STK32C: variants seen among roughly 807,000 people sequenced by gnomAD.
STK32C encodes the protein serine/threonine-protein kinase 32C.
In STK32C, 31 loss-of-function variants were observed where a neutral mutation model predicts 56.5. That is an observed-to-expected ratio of 0.55 (90% CI 0.41 to 0.74). STK32C has a LOEUF of 0.74. Among genes scored for constraint, STK32C ranks in the 30% least tolerant of loss-of-function variants. The probability of loss-of-function intolerance (pLI) is 0.00; values close to 1 mark genes in which losing one functional copy is unlikely to be tolerated. For missense variants in STK32C, 544 were observed against 676.9 expected (o/e 0.80, Z 2.18); for synonymous variants, 309 against 289.4 (o/e 1.07, Z -0.69).
chr10:132,249,134 CAGGGCGTGCAG>C (rs1590260154), intron 1 of STK32C: 1 of 427,022 alleles, frequency 2.3e-6, no homozygotes, highest in Non-Finnish European at 4.7e-6. Context: ...GCTGTGGCGT[CAGGGCGTGCAG>C]GGGGCGGGGC....
At chr10:132,272,452 T>C (rs1229698311) in intron 1 of STK32C, among the ~76,000 whole-genome samples, 4 of 152,178 alleles carry the variant, frequency 2.6e-5, no homozygotes, top group Admixed American at 2.0e-4. Context: ...TAACGTGCCC[T>C]CAACCCAGCT....
At chr10:132,247,242 T>C (rs953050594) in intron 1 of STK32C, among the ~76,000 whole-genome samples, 1 of 152,186 alleles carries the variant, frequency 6.6e-6, no homozygotes, top group African/African-American at 2.4e-5. Flanking sequence ...GCACTCAGTG[T>C]GTGGAGGAGG....
At chr10:132,316,590 G>C (rs980816107) in intron 1 of STK32C, among the ~76,000 whole-genome samples, 1 of 152,192 alleles carries the variant, frequency 6.6e-6, no homozygotes, top group African/African-American at 2.4e-5. Context: ...CTGCACTCCA[G>C]CTTGGGCAAC....
Position 132,307,286 on chromosome 10 carries a change from A to C in STK32C, c.262+286T>G. 3.7e-6 allele frequency: 1 copy of C among 268,938 alleles called. No individual in the cohort carries two copies. The highest frequency in any genetic ancestry group is 7.0e-6 in the Non-Finnish European group (1 of 143,630). 16.7% of individuals were successfully genotyped at this position (268,938 alleles called of 1,614,324 possible). On this transcript the variant is annotated intron_variant, in intron 1 of 11. Transcript: ENST00000298630. The surrounding 1 kb of genome is among the most constrained non-coding windows in gnomAD (Gnocchi z 4.4). ...CAGGGCTGCCACGGGCGGTGGGCGG[A>C]GGCGCGCGCAAGCCCGGAGACGCCA... is the stretch of plus-strand genomic sequence containing the variant.
At chr10:132,266,664 G>A (rs777477730) in intron 1 of STK32C, among the ~76,000 whole-genome samples, 7 of 152,008 alleles carry the variant, frequency 4.6e-5, no homozygotes, top group Non-Finnish European at 8.8e-5. Flanking sequence ...CCCTGGGGGA[G>A]GAACGAGCCA....
intron 1 of STK32C, among the ~76,000 whole-genome samples, chr10:132,300,339 G>C (rs1223294024): frequency 6.6e-6 from 1 of 152,162 alleles, no homozygotes; most frequent in East Asian, 1.9e-4. Flanking sequence ...GGATTGGCAG[G>C]GCCGGAGCCC....
At chr10:132,305,706 A>T (rs1048473197) in intron 1 of STK32C, among the ~76,000 whole-genome samples, 1 of 152,190 alleles carries the variant, frequency 6.6e-6, no homozygotes, top group African/African-American at 2.4e-5. Flanking sequence ...GGTGCAGAAC[A>T]TTCTTCTGCA....
rs150373133 is a variant in STK32C at position 132,328,086 on chromosome 10, G to T, written c.301+3350C>A. Among the ~76,000 whole-genome samples, 879 of 152,262 alleles carry T rather than the reference G, an allele frequency of 5.8e-3. 13 individuals carry two copies. The highest frequency in any genetic ancestry group is 0.02 in the African/African-American group (850 of 41,552). ...AGACAGAGCCCATTTACCAAGACAGGGGAATTGCAATGGAGAAAGAGTAAT... is the reference window on the plus strand; with the variant it reads ...AGACAGAGCCCATTTACCAAGACAGTGGAATTGCAATGGAGAAAGAGTAAT... On this transcript the variant is annotated intron_variant, in intron 1 of 1. Transcript: ENST00000368619.
chr10:132,266,786 A>T (rs1399230159), intron 1 of STK32C, among the ~76,000 whole-genome samples: 1 of 151,624 alleles, frequency 6.6e-6, no homozygotes, highest in East Asian at 2.0e-4. Context: ...GGAGGAGGGC[A>T]CTGGAGGGGG....
chr10:132,293,220 G>A (rs2138316484), intron 1 of STK32C, among the ~76,000 whole-genome samples: 1 of 152,272 alleles, frequency 6.6e-6, no homozygotes, highest in East Asian at 1.9e-4. Context: ...GGAGGATGGA[G>A]TGGCCATCGC....
intron 1 of STK32C, among the ~76,000 whole-genome samples, chr10:132,251,116 G>A (rs548884435): frequency 1.3e-5 from 2 of 152,292 alleles, no homozygotes; most frequent in African/African-American, 4.8e-5. Flanking sequence ...CCTCCTATCT[G>A]CCACAGGACC....
chr10:132,246,829 G>A (rs1464831663), intron 1 of STK32C, among the ~76,000 whole-genome samples: 1 of 152,134 alleles, frequency 6.6e-6, no homozygotes, highest in Admixed American at 6.5e-5. Context: ...ATGACTCCCA[G>A]GCCAGCAGCT....
chr10:132,254,849 A>AG (rs879634489), intron 1 of STK32C, among the ~76,000 whole-genome samples: 17 of 152,144 alleles, frequency 1.1e-4, no homozygotes, highest in Non-Finnish European at 2.1e-4. Flanking sequence ...CTGACACCCC[A>AG]GGTCCCCTCT....
At chr10:132,253,855 T>C (rs1442350961) in intron 1 of STK32C, among the ~76,000 whole-genome samples, 1 of 152,206 alleles carries the variant, frequency 6.6e-6, no homozygotes, top group African/African-American at 2.4e-5. Flanking sequence ...TGATCTGCCC[T>C]CCCGTGTGCC....
At chr10:132,221,786 A>G (rs2062671700) in intron 10 of STK32C, among the ~76,000 whole-genome samples, 1 of 127,828 alleles carries the variant, frequency 7.8e-6, no homozygotes, top group African/African-American at 3.2e-5. Context: ...GGCGAGTCTG[A>G]GGGCTTCATG....
chr10:132,330,517 AC>A, intron 1 of STK32C: 1 of 716,474 alleles, frequency 1.4e-6, no homozygotes, highest in Non-Finnish European at 2.6e-6. Flanking sequence ...ATGTACGAAA[AC>A]TTTTTTTTTG....
chr10:132,325,864 G>A (rs534006026), intron 1 of STK32C, among the ~76,000 whole-genome samples: 126 of 151,858 alleles, frequency 8.3e-4, no homozygotes, highest in Middle Eastern at 3.4e-3. Flanking sequence ...TGGGACTATC[G>A]GAGTCTGCAA....
At chr10:132,299,917 G>A (rs918358654) in intron 1 of STK32C, among the ~76,000 whole-genome samples, 4 of 152,378 alleles carry the variant, frequency 2.6e-5, no homozygotes, top group South Asian at 2.1e-4. Context: ...GACTGAGGAC[G>A]GGACCCAGGG....
rs374324694 is a variant in STK32C, at chr10:132,232,481, A to G, written c.319-4353T>C. On this transcript the variant is annotated intron_variant, in intron 2 of 11. Transcript: ENST00000298630. ...CTCAGCACCCGAGATCACGCAGAGC[A>G]GTGTTTACAAAAAAGACTGGAAACC... Among the ~76,000 whole-genome samples the G allele has an allele frequency of 5.6e-3, 847 of 152,126 alleles. 5 individuals are homozygous for G. The highest frequency in any genetic ancestry group is 8.3e-3 in the Non-Finnish European group (567 of 67,972).
Sources: gnomAD v4.1 joint callset for allele counts (sites outside exome capture counted in the v4.1 genomes callset) on GRCh38, gnomAD v4.1.1 for gene constraint, Gnocchi (gnomAD v3.1) non-coding constraint, MANE v1.5 for transcripts, NCBI Gene and HGNC (gene_info 2026-07-23, HGNC 2026-07-21) for gene names.